The following ZFAND3 variants were observed in gnomAD, a reference collection of about 807,000 sequenced individuals.
The protein encoded by ZFAND3 is zinc finger AN1-type containing 3.
Under a neutral mutation model 29.6 loss-of-function variants are expected in ZFAND3, and 10 were observed. The observed-to-expected ratio is 0.34, with a 90% CI of 0.21 to 0.57. The LOEUF (loss-of-function observed/expected upper bound fraction) is 0.57, where lower values mean the gene tolerates loss of function less well. Among genes scored for constraint, ZFAND3 ranks in the 20% least tolerant of loss-of-function variants. The probability of loss-of-function intolerance (pLI) is 0.86; values close to 1 mark genes in which losing one functional copy is unlikely to be tolerated. For missense variants in ZFAND3, 230 were observed against 304.5 expected (o/e 0.76, Z 1.82); for synonymous variants, 128 against 112.6 (o/e 1.14, Z -0.87).
chr6:38,044,302 G>A (rs1290919829), intron 2 of ZFAND3, among the ~76,000 whole-genome samples: 1 of 151,950 alleles, frequency 6.6e-6, no homozygotes, highest in Non-Finnish European at 1.5e-5. Context: ...ACTAGTTAAT[G>A]GAGAAGATTT....
intron 5 of ZFAND3, among the ~76,000 whole-genome samples, chr6:38,138,949 C>T: frequency 6.6e-6 from 1 of 152,122 alleles, no homozygotes; most frequent in Non-Finnish European, 1.5e-5. Context: ...GTTCAAGAGG[C>T]ATCAGCATGG....
chr6:37,862,492 G>C (rs1228098789), intron 1 of ZFAND3, among the ~76,000 whole-genome samples: 2 of 151,476 alleles, frequency 1.3e-5, no homozygotes, highest in Admixed American at 6.6e-5. Flanking sequence ...TTGAGACCTG[G>C]GTGACATAGT....
At chr6:37,919,509 ACATT>A (rs2127408349) in intron 1 of ZFAND3, among the ~76,000 whole-genome samples, 2 of 152,176 alleles carry the variant, frequency 1.3e-5, no homozygotes, top group East Asian at 3.9e-4. Flanking sequence ...AGAGAATATC[ACATT>A]CATTTTTTTT....
chr6:37,945,169 C>T (rs748624832), intron 2 of ZFAND3, among the ~76,000 whole-genome samples: 2 of 152,144 alleles, frequency 1.3e-5, no homozygotes, highest in Non-Finnish European at 2.9e-5. Flanking sequence ...TAGCTTAACC[C>T]ACACTCTGCT....
chr6:37,989,956 A>G lies in ZFAND3; in HGVS notation c.112+59957A>G, dbSNP rs574075715. Among the ~76,000 whole-genome samples the G allele has an allele frequency of 1.4e-3, 206 of 152,310 alleles. 1 individual carries two copies. Among genetic ancestry groups the G allele is most frequent in the African/African-American group, 4.8e-3 (200 of 41,562 alleles). Reference sequence around the variant, plus strand: ...GGAGCAGTTTTCTCGAAGAGTTTCAAGAAAAGATACCATAACGGAGACGAG... The same window carrying G: ...GGAGCAGTTTTCTCGAAGAGTTTCAGGAAAAGATACCATAACGGAGACGAG... On this transcript the variant is annotated intron_variant, in intron 2 of 5. Coordinates refer to ENST00000287218, the MANE Select transcript of ZFAND3 (RefSeq NM_021943.3).
At chr6:37,901,225 A>G (rs1198910541) in intron 1 of ZFAND3, among the ~76,000 whole-genome samples, 1 of 152,178 alleles carries the variant, frequency 6.6e-6, no homozygotes, top group African/African-American at 2.4e-5. Context: ...ATTCCTACCG[A>G]TAGCATATTA....
chr6:37,851,044 CT>C (rs574230972), intron 1 of ZFAND3, among the ~76,000 whole-genome samples: 11,684 of 142,380 alleles, frequency 0.082, 483 homozygotes, highest in Middle Eastern at 0.1. Flanking sequence ...CCTCTTGCCT[CT>C]TTTTTTTTTT....
chr6:37,864,765 A>G (rs920073758), intron 1 of ZFAND3, among the ~76,000 whole-genome samples: 12 of 149,944 alleles, frequency 8.0e-5, no homozygotes, highest in African/African-American at 2.0e-4. Context: ...ACACACACAC[A>G]CACACATGCA....
chr6:37,925,469 G>A (rs985154182), intron 1 of ZFAND3, among the ~76,000 whole-genome samples: 1 of 152,168 alleles, frequency 6.6e-6, no homozygotes, highest in Admixed American at 6.5e-5. Flanking sequence ...TTGGGAGGCC[G>A]AGGTGGGCGG....
intron 1 of ZFAND3, among the ~76,000 whole-genome samples, chr6:37,910,177 TTC>T (rs1319042818): frequency 6.6e-6 from 1 of 152,222 alleles, no homozygotes; most frequent in Non-Finnish European, 1.5e-5. Context: ...GCAACCCTTA[TTC>T]TCTTTTCTTA....
intron 4 of ZFAND3, among the ~76,000 whole-genome samples, chr6:38,097,548 G>A (rs1765007489): frequency 6.6e-6 from 1 of 152,116 alleles, no homozygotes; most frequent in South Asian, 2.1e-4. Context: ...CGACTATAAG[G>A]GACCATAGAA....
At chr6:38,086,471 T>C (rs1185273488) in intron 4 of ZFAND3, among the ~76,000 whole-genome samples, 1 of 152,184 alleles carries the variant, frequency 6.6e-6, no homozygotes, top group Non-Finnish European at 1.5e-5. Context: ...ACATCATACC[T>C]TCAGATTACT....
chr6:37,997,721 A>G (rs1157093068), intron 2 of ZFAND3, among the ~76,000 whole-genome samples: 1 of 152,186 alleles, frequency 6.6e-6, no homozygotes, highest in Non-Finnish European at 1.5e-5. Context: ...TCATCCTTTG[A>G]ATCCTAGTGT....
At chr6:37,974,435 A>G (rs1434144546) in intron 2 of ZFAND3, among the ~76,000 whole-genome samples, 3 of 123,876 alleles carry the variant, frequency 2.4e-5, no homozygotes, top group Non-Finnish European at 4.8e-5. Flanking sequence ...GACAGGGTCT[A>G]GCTGTGTTGT....
chr6:38,121,792 G>A (rs905996813), intron 5 of ZFAND3, among the ~76,000 whole-genome samples: 1 of 152,144 alleles, frequency 6.6e-6, no homozygotes, highest in Non-Finnish European at 1.5e-5. Context: ...TACCCACCTA[G>A]TCAGGGCATT....
In ZFAND3 at chr6:38,139,234, C is replaced by G. The variant is rs188192963; in HGVS notation, c.530-13001C>G. 5.9e-5 allele frequency among the ~76,000 whole-genome samples: 9 copies of G among 152,264 alleles called. No individual in the cohort carries two copies. In the East Asian group the frequency reaches 1.7e-3, roughly 29 times the overall value. ...CTTGCTCCCTAGGGTTCAGAGAACA[C>G]AGTCTTTCTATACCTAACCTATCAT... On this transcript the variant is annotated intron_variant, in intron 5 of 5. Coordinates refer to ENST00000287218, the MANE Select transcript of ZFAND3 (RefSeq NM_021943.3).
At chr6:37,845,169 C>T (rs750205819) in intron 1 of ZFAND3, among the ~76,000 whole-genome samples, 1 of 152,154 alleles carries the variant, frequency 6.6e-6, no homozygotes, top group East Asian at 1.9e-4. Flanking sequence ...GACTCCATTT[C>T]TCAATGAGAG....
At chr6:38,012,045 G>A (rs1763162744) in intron 2 of ZFAND3, among the ~76,000 whole-genome samples, 1 of 152,126 alleles carries the variant, frequency 6.6e-6, no homozygotes, top group Non-Finnish European at 1.5e-5. Context: ...ATAGTATTCA[G>A]AATTGAGATG....
rs556222259 is a variant in ZFAND3, at chr6:38,049,628, G to C, written c.113-11965G>C. 6.6e-5 allele frequency among the ~76,000 whole-genome samples: 10 copies of C among 152,246 alleles called. No individual in the cohort carries two copies. The South Asian group carries it at 2.1e-3, about 32-fold the overall frequency. ...TGGAGATAGATACCTTTTAGGAATT[G>C]TGAATTATATAAACATCATGTATTC... On this transcript the variant is annotated intron_variant, in intron 2 of 5. Coordinates refer to ENST00000287218, the MANE Select transcript of ZFAND3 (RefSeq NM_021943.3).
Sources: gnomAD v4.1 joint callset for allele counts (sites outside exome capture counted in the v4.1 genomes callset) on GRCh38, gnomAD v4.1.1 for gene constraint, MANE v1.5 for transcripts, NCBI Gene and HGNC (gene_info 2026-07-23, HGNC 2026-07-21) for gene names.